The following FOXP2 variants were observed in gnomAD, a reference collection of about 807,000 sequenced individuals.
FOXP2 encodes the protein forkhead box P2.
FOXP2 carries 12 observed loss-of-function variants against 115.8 expected under a neutral mutation model. The ratio of observed to expected loss-of-function variants is 0.10; its 90% confidence interval spans 0.07 to 0.17. The LOEUF (loss-of-function observed/expected upper bound fraction) is 0.17. Among genes scored for constraint, FOXP2 ranks in the 10% least tolerant of loss-of-function variants. FOXP2 has a pLI of 1.00. For missense variants in FOXP2, 629 were observed against 843.5 expected, an observed-to-expected ratio of 0.75 and a Z score of 3.15; for synonymous variants, 328 against 297.7, an observed-to-expected ratio of 1.10 and a Z score of -1.05.
At chr7:114,086,723 C>G (rs1336387796), upstream of FOXP2, 2 of 227,416 alleles carry the variant, frequency 8.8e-6, no homozygotes, top group Admixed American at 1.3e-4. Context: ...GCTCCTCCCG[C>G]GGTGGCGACA....
intron 2 of FOXP2, among the ~76,000 whole-genome samples, chr7:114,338,923 T>C (rs1791126528): frequency 1.3e-5 from 2 of 151,184 alleles, no homozygotes; most frequent in Non-Finnish European, 3.0e-5. Context: ...TTCCATGCTC[T>C]GGAGATTAAA....
intron 1 of FOXP2, among the ~76,000 whole-genome samples, chr7:114,249,685 G>A (rs538322449): frequency 2.0e-5 from 3 of 152,226 alleles, no homozygotes; most frequent in South Asian, 2.1e-4. Flanking sequence ...ATGTGTGCAT[G>A]TATCTTTATA....
chr7:114,262,000 G>A (rs1338853417), intron 1 of FOXP2, among the ~76,000 whole-genome samples: 1 of 152,150 alleles, frequency 6.6e-6, no homozygotes, highest in Non-Finnish European at 1.5e-5. Flanking sequence ...GGAGGTTGCA[G>A]TGAGCCCGGA....
chr7:114,420,722 A>G (rs1285431667), intron 1 of FOXP2, among the ~76,000 whole-genome samples: 1 of 151,832 alleles, frequency 6.6e-6, no homozygotes, highest in Non-Finnish European at 1.5e-5. Context: ...GGTGAAATAA[A>G]CTTTCCCTAA....
chr7:114,140,880 G>A (rs1055102676), intron 1 of FOXP2, among the ~76,000 whole-genome samples: 1 of 151,014 alleles, frequency 6.6e-6, no homozygotes, highest in African/African-American at 2.4e-5. Context: ...TTTGTTCTGT[G>A]ATACACAAGG....
chr7:114,179,767 GCAAAC>G (rs377338394), intron 1 of FOXP2, among the ~76,000 whole-genome samples: 41 of 152,004 alleles, frequency 2.7e-4, no homozygotes, highest in Middle Eastern at 3.4e-3. Context: ...AACATAAAGA[GCAAAC>G]CAAAAAACTG....
intron 3 of FOXP2, among the ~76,000 whole-genome samples, chr7:114,588,861 T>C (rs1447658630): frequency 6.6e-6 from 1 of 152,172 alleles, no homozygotes; most frequent in Non-Finnish European, 1.5e-5. Flanking sequence ...ATGTGAAAAA[T>C]ACTGCTTCTA....
chr7:114,368,955 A>C (rs1374997319), intron 2 of FOXP2, among the ~76,000 whole-genome samples: 1 of 152,218 alleles, frequency 6.6e-6, no homozygotes, highest in Admixed American at 6.5e-5. Flanking sequence ...GCTTAGCTGG[A>C]AAACTTGTCT....
chr7:114,465,693 T>C (rs931125482), intron 2 of FOXP2, among the ~76,000 whole-genome samples: 1 of 152,242 alleles, frequency 6.6e-6, no homozygotes, highest in Non-Finnish European at 1.5e-5. Flanking sequence ...GATAACAGCC[T>C]ATCCAATCTT....
chr7:114,315,852 T>G (rs1797264364), intron 2 of FOXP2, among the ~76,000 whole-genome samples: 1 of 152,196 alleles, frequency 6.6e-6, no homozygotes, highest in Admixed American at 6.5e-5. Flanking sequence ...CTGTATTTAG[T>G]ATATATTGTT....
At chr7:114,284,785 T>C (rs1290911106) in intron 1 of FOXP2, among the ~76,000 whole-genome samples, 2 of 152,100 alleles carry the variant, frequency 1.3e-5, no homozygotes, top group Non-Finnish European at 2.9e-5. Flanking sequence ...CTATTCACAA[T>C]AGCAAAACAT....
intron 2 of FOXP2, among the ~76,000 whole-genome samples, chr7:114,348,587 A>G (rs1791403879): frequency 6.6e-6 from 1 of 151,958 alleles, no homozygotes; most frequent in Admixed American, 6.6e-5. Context: ...GTTCTTCTGG[A>G]AAGAACACTC....
chr7:114,419,423 A>G (rs972926824), intron 1 of FOXP2, among the ~76,000 whole-genome samples: 2 of 151,904 alleles, frequency 1.3e-5, no homozygotes, highest in Non-Finnish European at 2.9e-5. Context: ...GTTGTGTGTT[A>G]ATACAGGTGT....
intron 2 of FOXP2, among the ~76,000 whole-genome samples, chr7:114,336,628 A>C (rs1413660667): frequency 6.6e-6 from 1 of 151,548 alleles, no homozygotes; most frequent in East Asian, 1.9e-4. Flanking sequence ...TGGGAAAGTG[A>C]CAGTTTGCAT....
rs188004546 is a variant in FOXP2 at position 114,246,114 on chromosome 7, A to G, written c.-101-41905A>G. Among the ~76,000 whole-genome samples the G allele has an allele frequency of 2.4e-3, 369 of 152,304 alleles. 4 individuals are homozygous for G. The highest frequency in any genetic ancestry group is 3.7e-3 in the Non-Finnish European group (254 of 67,994). On this transcript the variant is annotated intron_variant, in intron 1 of 17. Transcript: ENST00000634411. ...TTCTTCCAGTCATATAAAATGATAT[A>G]CAGTATCTTTGTATGTATGATATTC...
Position 114,349,658 on chromosome 7 carries a change from G to GGT in FOXP2, c.-11+61560_-11+61561dup, listed in dbSNP as rs1442608373. Among the ~76,000 whole-genome samples the GGT allele has an allele frequency of 3.4e-3, 455 of 132,316 alleles. 1 individual carries two copies. The highest frequency in any genetic ancestry group is 0.011 in the African/African-American group (421 of 40,086). The allele number at this position is 132,316 out of a possible 152,430, so 86.8% of individuals were successfully genotyped here. A position where few individuals can be genotyped will look rare whatever the true frequency, so the allele number is the denominator to read the frequency against. ...CTTCATTTACTTCACAAAAAACACA[G>GGT]GTGTGTGTGTGTCTGTGTGTGTGTG... On this transcript the variant is annotated intron_variant, in intron 2 of 17. Transcript: ENST00000634411.
At chr7:114,464,547 A>T (rs547289623) in intron 2 of FOXP2, among the ~76,000 whole-genome samples, 75 of 152,336 alleles carry the variant, frequency 4.9e-4, no homozygotes, top group Non-Finnish European at 1.0e-3. Flanking sequence ...AGTTGGGTAG[A>T]TCATAATTAG....
chr7:114,647,415 A>T (rs901337278), intron 8 of FOXP2, among the ~76,000 whole-genome samples: 4 of 151,176 alleles, frequency 2.6e-5, no homozygotes, highest in Admixed American at 6.6e-5. Context: ...ATATATTCTT[A>T]TTCTTATATA....
chr7:114,560,670 C>T (rs1800717546), intron 3 of FOXP2, among the ~76,000 whole-genome samples: 1 of 152,050 alleles, frequency 6.6e-6, no homozygotes, highest in Non-Finnish European at 1.5e-5. Context: ...TTAATTACTT[C>T]ACTTAAGTTT....
Sources: allele counts gnomAD v4.1 joint callset (sites outside exome capture counted in the v4.1 genomes callset), GRCh38; gene constraint gnomAD v4.1.1; transcripts MANE v1.5; gene names NCBI Gene and HGNC (gene_info 2026-07-23, HGNC 2026-07-21).